The following RSRC1 variants were observed in gnomAD, a reference collection of about 807,000 sequenced individuals.
RSRC1 encodes arginine and serine rich coiled-coil 1, also known as serine/Arginine-related protein 53.
Under a neutral mutation model 49.1 loss-of-function variants are expected in RSRC1, and 39 were observed. The observed-to-expected ratio is 0.79, with a 90% confidence interval of 0.61 to 1.04. The LOEUF (loss-of-function observed/expected upper bound fraction) is 1.04, where lower values mean the gene tolerates loss of function less well. RSRC1 is among the 50% of genes least tolerant of loss of function. The probability of loss-of-function intolerance (pLI) is 0.00; values close to 1 mark genes in which losing one functional copy is unlikely to be tolerated. For synonymous variants in RSRC1, 143 were observed against 130.8 expected (o/e 1.09, Z -0.63); for missense variants, 388 against 402.4 (o/e 0.96, Z 0.31).
intron 4 of RSRC1, among the ~76,000 whole-genome samples, chr3:158,285,694 G>T (rs1726495277): frequency 6.6e-6 from 1 of 151,988 alleles, no homozygotes; most frequent in Non-Finnish European, 1.5e-5. Context: ...CTCTCTGTTT[G>T]TCTGTTATTG....
At chr3:158,473,759 G>A (rs1050213056) in intron 7 of RSRC1, among the ~76,000 whole-genome samples, 9 of 151,836 alleles carry the variant, frequency 5.9e-5, no homozygotes, top group Non-Finnish European at 1.2e-4. Context: ...GTTGTTTTAG[G>A]CAAGTTTTTA....
chr3:158,242,666 A>G (rs1723660712), intron 4 of RSRC1, among the ~76,000 whole-genome samples: 1 of 151,964 alleles, frequency 6.6e-6, no homozygotes, highest in African/African-American at 2.4e-5. Context: ...ACTCCCACCA[A>G]CACTGTAAAA....
chr3:158,333,172 G>GTT (rs1489660109), intron 5 of RSRC1, among the ~76,000 whole-genome samples: 11 of 152,072 alleles, frequency 7.2e-5, no homozygotes, highest in Non-Finnish European at 1.5e-4. Flanking sequence ...GTTTCACCAT[G>GTT]GTAGCCAGGA....
intron 6 of RSRC1, among the ~76,000 whole-genome samples, chr3:158,401,997 G>A (rs1286855022): frequency 2.0e-5 from 3 of 151,890 alleles, no homozygotes; most frequent in African/African-American, 7.2e-5. Flanking sequence ...TTTTATGCAG[G>A]TGTAGAGGAA....
intron 3 of RSRC1, among the ~76,000 whole-genome samples, chr3:158,168,232 G>A (rs1157671380): frequency 6.6e-6 from 1 of 152,034 alleles, no homozygotes; most frequent in Non-Finnish European, 1.5e-5. Flanking sequence ...AAGAATTTGT[G>A]GACTATTATT....
At chr3:158,310,449 T>C (rs1292339501) in intron 5 of RSRC1, among the ~76,000 whole-genome samples, 1 of 151,796 alleles carries the variant, frequency 6.6e-6, no homozygotes, top group African/African-American at 2.4e-5. Flanking sequence ...ATTTTTTAAA[T>C]TGGTTTATTC....
intron 6 of RSRC1, among the ~76,000 whole-genome samples, chr3:158,442,549 A>G (rs753399573): frequency 1.3e-5 from 2 of 151,962 alleles, no homozygotes; most frequent in Non-Finnish European, 2.9e-5. Flanking sequence ...TTTTACCACA[A>G]ACTGCAGTTA....
intron 1 of RSRC1, chr3:158,110,740 G>A (rs1714331476): frequency 6.6e-6 from 1 of 152,464 alleles, no homozygotes; most frequent in Admixed American, 6.5e-5. Flanking sequence ...GAGAGAAGTG[G>A]TGCAGGGTGA....
At chr3:158,276,142 A>C (rs1725796230) in intron 4 of RSRC1, 2 of 928,828 alleles carry the variant, frequency 2.2e-6, no homozygotes, top group African/African-American at 3.3e-5. Context: ...CTGTGAGCAA[A>C]CTTTAGCTGG....
rs957214666 is a variant in RSRC1, at chr3:158,522,341, C to T, written c.653-14751C>T. Reference sequence around the variant, plus strand: ...TCTCCCCTTTGAGACAGGTTTCACTCTGTCATCCTGGCTAGAATGCAGTGG... The same window carrying T: ...TCTCCCCTTTGAGACAGGTTTCACTTTGTCATCCTGGCTAGAATGCAGTGG... On this transcript the variant is annotated intron_variant, in intron 7 of 9. Coordinates refer to ENST00000611884, the MANE Select transcript of RSRC1 (RefSeq NM_001271838.2). 2.0e-5 allele frequency among the ~76,000 whole-genome samples: 3 copies of T among 152,058 alleles called. No individual in the cohort carries two copies. In the East Asian group the frequency reaches 5.8e-4, roughly 29 times the overall value.
chr3:158,116,350 G>C (rs764100160), intron 1 of RSRC1, among the ~76,000 whole-genome samples: 3 of 152,238 alleles, frequency 2.0e-5, no homozygotes, highest in African/African-American at 7.2e-5. Flanking sequence ...GCTAATTCAA[G>C]TTGCAATTCA....
intron 3 of RSRC1, among the ~76,000 whole-genome samples, chr3:158,185,332 C>T (rs1719864074): frequency 6.6e-6 from 1 of 151,946 alleles, no homozygotes; most frequent in African/African-American, 2.4e-5. Flanking sequence ...TAACTCTCCA[C>T]TGCAGAGATG....
chr3:158,430,076 A>AT lies in RSRC1; in HGVS notation c.584-30859_584-30858insT, dbSNP rs1553804856. Among the ~76,000 whole-genome samples, 13 of 149,672 alleles carry AT rather than the reference A, an allele frequency of 8.7e-5. No individual in the cohort carries two copies. In the South Asian group the frequency reaches 1.1e-3, roughly 12 times the overall value. On this transcript the variant is annotated intron_variant, in intron 6 of 9. Coordinates refer to ENST00000611884, the MANE Select transcript of RSRC1 (RefSeq NM_001271838.2). ...TAATCATAAAAACCACACACACAAA[A>AT]AAAATAAAATAAAATAAAATAAAAT...
intron 7 of RSRC1, among the ~76,000 whole-genome samples, chr3:158,518,523 T>A (rs1029281927): frequency 6.6e-6 from 1 of 152,090 alleles, no homozygotes; most frequent in African/African-American, 2.4e-5. Flanking sequence ...ATTCTTGTTA[T>A]GGAAGTATCA....
At chr3:158,131,124 T>C (rs1370213888) in intron 3 of RSRC1, among the ~76,000 whole-genome samples, 1 of 151,480 alleles carries the variant, frequency 6.6e-6, no homozygotes, top group East Asian at 1.9e-4. Flanking sequence ...TTTATTTTTG[T>C]CTTTAATAAT....
At chr3:158,231,208 A>G (rs924765243) in intron 4 of RSRC1, among the ~76,000 whole-genome samples, 1 of 135,974 alleles carries the variant, frequency 7.4e-6, no homozygotes, top group African/African-American at 2.8e-5. Context: ...CAGTCGTGCA[A>G]TCTCAGCTCA....
At chr3:158,281,600 A>G (rs1251565004) in intron 4 of RSRC1, among the ~76,000 whole-genome samples, 1 of 152,174 alleles carries the variant, frequency 6.6e-6, no homozygotes, top group Non-Finnish European at 1.5e-5. Flanking sequence ...AATGTAGAAA[A>G]CCTGAACGAT....
chr3:158,428,823 G>A (rs1735607824), intron 6 of RSRC1, among the ~76,000 whole-genome samples: 1 of 151,826 alleles, frequency 6.6e-6, no homozygotes, highest in Non-Finnish European at 1.5e-5. Context: ...TTTGAAAATG[G>A]AAGTGGTGTG....
chr3:158,190,229 T>G (rs1720157414), intron 3 of RSRC1, among the ~76,000 whole-genome samples: 1 of 152,062 alleles, frequency 6.6e-6, no homozygotes, highest in Admixed American at 6.6e-5. Context: ...CAGGGTTAAT[T>G]ATGGGTAGTT....
Sources: gnomAD v4.1 joint callset for allele counts (sites outside exome capture counted in the v4.1 genomes callset) on GRCh38, gnomAD v4.1.1 for gene constraint, MANE v1.5 for transcripts, NCBI Gene and HGNC (gene_info 2026-07-23, HGNC 2026-07-21) for gene names.